MPPED2: variants seen among roughly 807,000 people sequenced by gnomAD.
MPPED2 encodes metallophosphoesterase MPPED2.
A neutral mutation model predicts 33.0 loss-of-function variants in MPPED2; 5 were observed. That is an observed-to-expected ratio of 0.15 (90% CI 0.08 to 0.32). MPPED2 has a LOEUF of 0.32. MPPED2 is among the 10% of genes least tolerant of loss of function. The probability of loss-of-function intolerance (pLI) is 1.00; values close to 1 mark genes in which losing one functional copy is unlikely to be tolerated. For missense variants in MPPED2, 275 were observed against 372.1 expected (o/e 0.74, Z 2.15); for synonymous variants, 136 against 141.9 (o/e 0.96, Z 0.29).
At chr11:30,478,856 T>A (rs775612249) in intron 4 of MPPED2, among the ~76,000 whole-genome samples, 2 of 152,160 alleles carry the variant, frequency 1.3e-5, no homozygotes, top group African/African-American at 4.8e-5. Context: ...AGGAAAACCA[T>A]GCCTGTGTGT....
rs199611856 is a variant in MPPED2 at position 30,583,134 on chromosome 11, C to CTTTTTTTTTTTTTTTT, written c.-121-2656_-121-2641dup. 7.4e-4 allele frequency among the ~76,000 whole-genome samples: 72 copies of CTTTTTTTTTTTTTTTT among 96,670 alleles called. 10 individuals carry two copies. The highest frequency in any genetic ancestry group is 2.8e-3 in the African/African-American group (57 of 20,682). 63.4% of individuals were successfully genotyped at this position (96,670 alleles called of 152,430 possible). Reference sequence around the variant, plus strand: ...CACAAACACCTGGAAAAGACTTTTTCTTTTTTTTTTTTTTTTTTTTTTTTT... The same window carrying CTTTTTTTTTTTTTTTT: ...CACAAACACCTGGAAAAGACTTTTTCTTTTTTTTTTTTTTTTTTTTTTTTTTTTTTTTTTTTTTTTT... On this transcript the variant is annotated intron_variant, in intron 1 of 6. Transcript: ENST00000358117.
intron 4 of MPPED2, among the ~76,000 whole-genome samples, chr11:30,467,564 A>G (rs1950762261): frequency 6.6e-6 from 1 of 152,144 alleles, no homozygotes; most frequent in African/African-American, 2.4e-5. Flanking sequence ...GAGGGCTCCC[A>G]CCAAATGGCC....
At chr11:30,445,186 A>C (rs1949749192) in intron 4 of MPPED2, among the ~76,000 whole-genome samples, 1 of 104,008 alleles carries the variant, frequency 9.6e-6, no homozygotes, top group Non-Finnish European at 1.8e-5. Flanking sequence ...GACAATGTCC[A>C]CTAGGAGACT....
At chr11:30,485,830 G>T (rs1951722231) in intron 4 of MPPED2, among the ~76,000 whole-genome samples, 1 of 152,198 alleles carries the variant, frequency 6.6e-6, no homozygotes, top group Admixed American at 6.5e-5. Context: ...ACCCTTGAGA[G>T]GGTGGGTGAC....
intron 2 of MPPED2, among the ~76,000 whole-genome samples, chr11:30,547,979 T>C (rs1262629725): frequency 6.6e-6 from 1 of 152,114 alleles, no homozygotes; most frequent in Non-Finnish European, 1.5e-5. Context: ...ATGTACATAC[T>C]GGGGAGGGAG....
chr11:30,497,107 T>C (rs994552766), intron 3 of MPPED2, among the ~76,000 whole-genome samples: 1 of 152,188 alleles, frequency 6.6e-6, no homozygotes, highest in Non-Finnish European at 1.5e-5. Context: ...CAGTTATTTG[T>C]AAGGCTATGC....
chr11:30,583,827 A>T (rs1957309484), intron 1 of MPPED2, among the ~76,000 whole-genome samples: 1 of 152,106 alleles, frequency 6.6e-6, no homozygotes, highest in South Asian at 2.1e-4. Flanking sequence ...TTCAACAAGG[A>T]TGCTCATTTT....
At chr11:30,409,666 C>A (rs577493461), downstream of MPPED2, among the ~76,000 whole-genome samples, 2 of 152,298 alleles carry the variant, frequency 1.3e-5, no homozygotes, top group African/African-American at 4.8e-5. Flanking sequence ...AGCCCTGACA[C>A]ATAAGACTTT....
intron 6 of MPPED2, among the ~76,000 whole-genome samples, chr11:30,389,809 C>G (rs1241903152): frequency 1.3e-5 from 2 of 152,128 alleles, no homozygotes; most frequent in African/African-American, 4.8e-5. Flanking sequence ...ATAGGGAGCC[C>G]TTAGTTTTTG....
intron 4 of MPPED2, among the ~76,000 whole-genome samples, chr11:30,481,632 A>G (rs893909558): frequency 1.3e-5 from 2 of 152,110 alleles, no homozygotes; most frequent in Non-Finnish European, 2.9e-5. Flanking sequence ...CAAATAAGCA[A>G]AGGTAGGCAC....
At chr11:30,404,690 T>C (rs869215) in intron 6 of MPPED2, among the ~76,000 whole-genome samples, 13,764 of 152,332 alleles carry the variant, frequency 0.09, 856 homozygotes, top group Non-Finnish European at 0.13. Context: ...TTACATCTTT[T>C]ATTACCATTT....
At chr11:30,442,562 T>C (rs1226300490) in intron 4 of MPPED2, among the ~76,000 whole-genome samples, 1 of 152,202 alleles carries the variant, frequency 6.6e-6, no homozygotes, top group Non-Finnish European at 1.5e-5. Flanking sequence ...ACATAACAAA[T>C]ATTACTGAGC....
chr11:30,570,962 T>C (rs557519549), intron 2 of MPPED2, among the ~76,000 whole-genome samples: 2 of 152,292 alleles, frequency 1.3e-5, no homozygotes, highest in East Asian at 3.9e-4. Context: ...AGACAGTCTG[T>C]ACAAAGAAAT....
chr11:30,412,057 G>C (rs181888471), intron 6 of MPPED2, among the ~76,000 whole-genome samples: 2 of 151,762 alleles, frequency 1.3e-5, no homozygotes, highest in African/African-American at 4.8e-5. Flanking sequence ...AAGAAATGTA[G>C]ACACTCAATT....
In MPPED2 at chr11:30,461,241, G is replaced by A. The variant is rs74832415; in HGVS notation, c.536+34055C>T. Among the ~76,000 whole-genome samples, 1,294 of 152,302 alleles carry A rather than the reference G, an allele frequency of 8.5e-3. 30 individuals are homozygous for A. The highest frequency in any genetic ancestry group is 0.027 in the African/African-American group (1,140 of 41,570). On this transcript the variant is annotated intron_variant, in intron 4 of 6. Coordinates refer to ENST00000358117, the MANE Select transcript of MPPED2 (RefSeq NM_001584.3). Reference sequence around the variant, plus strand: ...GGAGGAATGGTAGTTATCATTTAATGGATACCGAGTTTCAGTTTGAAATAA... The same window carrying A: ...GGAGGAATGGTAGTTATCATTTAATAGATACCGAGTTTCAGTTTGAAATAA...
At chr11:30,458,455 G>A (rs1016815886) in intron 4 of MPPED2, among the ~76,000 whole-genome samples, 9 of 152,080 alleles carry the variant, frequency 5.9e-5, no homozygotes, top group Admixed American at 5.9e-4. Context: ...GATAATGAAG[G>A]GAAAATATTT....
chr11:30,550,557 T>C (rs1204673331), intron 2 of MPPED2, among the ~76,000 whole-genome samples: 2 of 152,160 alleles, frequency 1.3e-5, no homozygotes, highest in Non-Finnish European at 2.9e-5. Flanking sequence ...TAAAAGCACT[T>C]GGCCTGAAGG....
chr11:30,443,819 T>G (rs2133912108), intron 4 of MPPED2, among the ~76,000 whole-genome samples: 1 of 152,310 alleles, frequency 6.6e-6, no homozygotes. Flanking sequence ...TACGAATGAC[T>G]GCATAACGAA....
chr11:30,542,903 A>T (rs1184881791), intron 2 of MPPED2, among the ~76,000 whole-genome samples: 3 of 152,206 alleles, frequency 2.0e-5, no homozygotes, highest in Non-Finnish European at 2.9e-5. Context: ...AAATAATTTT[A>T]AAAATGACAA....
Sources: allele counts gnomAD v4.1 joint callset (sites outside exome capture counted in the v4.1 genomes callset), GRCh38; gene constraint gnomAD v4.1.1; transcripts MANE v1.5; gene names NCBI Gene and HGNC (gene_info 2026-07-23, HGNC 2026-07-21).